Variants in RAB31 observed in about 807,000 individuals in gnomAD.
RAB31 encodes the protein RAB31, member RAS oncogene family.
Under a neutral mutation model 25.6 loss-of-function variants are expected in RAB31, and 21 were observed. That is an observed-to-expected ratio of 0.82 (90% CI 0.58 to 1.18). RAB31 has a LOEUF of 1.18. Among genes scored for constraint, RAB31 ranks in the 50% most tolerant of loss-of-function variants. RAB31 has a pLI of 0.00. For synonymous variants in RAB31, 87 were observed against 84.0 expected (o/e 1.04, Z -0.20); for missense variants, 196 against 250.1 (o/e 0.78, Z 1.46).
intron 5 of RAB31, among the ~76,000 whole-genome samples, chr18:9,843,897 A>G (rs972320811): frequency 1.3e-5 from 2 of 152,082 alleles, no homozygotes; most frequent in South Asian, 4.1e-4. Context: ...TTTGAGTCCC[A>G]TAGGAATTTG....
intron 1 of RAB31, among the ~76,000 whole-genome samples, chr18:9,734,031 G>C (rs1012277115): frequency 2.0e-5 from 3 of 149,468 alleles, no homozygotes; most frequent in African/African-American, 7.4e-5. Flanking sequence ...TTACATGGGA[G>C]AGGCATGCCC....
intron 1 of RAB31, among the ~76,000 whole-genome samples, chr18:9,760,536 T>G (rs1429022505): frequency 1.3e-5 from 2 of 152,180 alleles, no homozygotes; most frequent in Non-Finnish European, 2.9e-5. Context: ...TTTCATTTAG[T>G]CTTCCCTGCA....
chr18:9,720,674 C>CTTTTT (rs796200232), intron 1 of RAB31, among the ~76,000 whole-genome samples: 1 of 134,126 alleles, frequency 7.5e-6, no homozygotes, highest in Non-Finnish European at 1.6e-5. Flanking sequence ...GTAATTTTCT[C>CTTTTT]TTTTTTTTTT....
intron 1 of RAB31, among the ~76,000 whole-genome samples, chr18:9,734,718 C>T (rs1389181081): frequency 6.6e-6 from 1 of 152,200 alleles, no homozygotes; most frequent in African/African-American, 2.4e-5. Flanking sequence ...CACTGTGTGC[C>T]AGGTGAGAGA....
chr18:9,793,938 C>A (rs2068474163), intron 3 of RAB31, among the ~76,000 whole-genome samples: 1 of 152,030 alleles, frequency 6.6e-6, no homozygotes, highest in South Asian at 2.1e-4. Flanking sequence ...TTATTTAATT[C>A]ACTTTATTTT....
intron 6 of RAB31, chr18:9,849,519 CATGCTAGACCCTGGGG>C (rs1208387201): frequency 5.9e-5 from 9 of 152,310 alleles, no homozygotes; most frequent in African/African-American, 2.2e-4. Flanking sequence ...GGGTAGGTGC[CATGCTAGACCCTGGGG>C]ACAGCACGGT....
chr18:9,741,870 C>T (rs1476149625), intron 1 of RAB31, among the ~76,000 whole-genome samples: 1 of 152,218 alleles, frequency 6.6e-6, no homozygotes, highest in Non-Finnish European at 1.5e-5. Flanking sequence ...TACCCCTCAT[C>T]CACTGCCTCA....
intron 5 of RAB31, among the ~76,000 whole-genome samples, chr18:9,820,994 T>G (rs1333664598): frequency 1.3e-5 from 2 of 152,082 alleles, no homozygotes; most frequent in African/African-American, 4.8e-5. Flanking sequence ...TTATTCGAGA[T>G]CTCTTTAAAT....
chr18:9,733,768 A>G (rs1169399006), intron 1 of RAB31, among the ~76,000 whole-genome samples: 2 of 152,030 alleles, frequency 1.3e-5, no homozygotes, highest in African/African-American at 4.8e-5. Flanking sequence ...GTTGCCTGCA[A>G]ACCCTTGCCC....
chr18:9,814,157 G>A, intron 4 of RAB31, 66 bp downstream of exon 4: 1 of 1,227,680 alleles, frequency 8.1e-7, no homozygotes, highest in Non-Finnish European at 1.2e-6. Flanking sequence ...AGAGACTGGA[G>A]CAGAGACGTC....
Position 9,841,433 on chromosome 18 carries a change from G to A in RAB31, c.381-4149G>A, listed in dbSNP as rs558913600. On this transcript the variant is annotated intron_variant, in intron 5 of 6. Transcript: ENST00000578921. ...AGGCGCCTGTAGTCCCAGCTATTCC[G>A]GAGGCTGAGGCAGGAGAATGGCGTG... Among the ~76,000 whole-genome samples, 262 of 151,798 alleles carry A rather than the reference G, an allele frequency of 1.7e-3. 1 individual carries two copies. Among genetic ancestry groups the A allele is most frequent in the Non-Finnish European group, 2.8e-3 (193 of 67,924 alleles).
intron 5 of RAB31, among the ~76,000 whole-genome samples, chr18:9,824,028 T>C (rs1415547139): frequency 6.6e-6 from 1 of 152,240 alleles, no homozygotes; most frequent in Admixed American, 6.5e-5. Context: ...ATATAACTTT[T>C]CTGGGGAGTT....
intron 1 of RAB31, among the ~76,000 whole-genome samples, chr18:9,762,142 A>C (rs954013236): frequency 2.6e-5 from 4 of 152,172 alleles, no homozygotes; most frequent in Non-Finnish European, 5.9e-5. Context: ...CTTGGAAGTG[A>C]CATCTGCCAC....
At chr18:9,804,590 A>G (rs1417121061) in intron 3 of RAB31, among the ~76,000 whole-genome samples, 3 of 152,158 alleles carry the variant, frequency 2.0e-5, no homozygotes, top group Non-Finnish European at 4.4e-5. Context: ...TTATGGAGCT[A>G]ATTTCCTACG....
chr18:9,747,721 A>G (rs2068212794), intron 1 of RAB31, among the ~76,000 whole-genome samples: 1 of 152,200 alleles, frequency 6.6e-6, no homozygotes, highest in African/African-American at 2.4e-5. Context: ...ATGGGGAATA[A>G]CTGCTTAATG....
At chr18:9,739,988 GGC>G (rs2068169898) in intron 1 of RAB31, among the ~76,000 whole-genome samples, 1 of 152,166 alleles carries the variant, frequency 6.6e-6, no homozygotes, top group South Asian at 2.1e-4. Flanking sequence ...TGTCTTCCTT[GGC>G]TAGAGCTTTG....
chr18:9,826,230 G>A (rs1453686525), intron 5 of RAB31, among the ~76,000 whole-genome samples: 1 of 151,852 alleles, frequency 6.6e-6, no homozygotes, highest in Non-Finnish European at 1.5e-5. Context: ...ACAAAAATTA[G>A]CCAGGTGTGG....
intron 1 of RAB31, among the ~76,000 whole-genome samples, chr18:9,772,132 T>G (rs1163516051): frequency 6.6e-6 from 1 of 152,052 alleles, no homozygotes; most frequent in Non-Finnish European, 1.5e-5. Context: ...TGTTGGCTGC[T>G]TTGAGACTTG....
chr18:9,806,058 TC>T lies in RAB31; in HGVS notation c.202-7959del, dbSNP rs2068539215. On this transcript the variant is annotated intron_variant, in intron 3 of 6. Coordinates refer to ENST00000578921, the MANE Select transcript of RAB31 (RefSeq NM_006868.4). ...CAGGTGTGGTGGCAGGCATCTGTAG[TC>T]CCAGCTACTCGGGAGGCTGAGGCAG... is the stretch of plus-strand genomic sequence containing the variant. Among the ~76,000 whole-genome samples the T allele has an allele frequency of 2.0e-5, 3 of 152,054 alleles. No homozygotes were observed. In the South Asian group the frequency reaches 6.2e-4, roughly 32 times the overall value.
Sources: allele counts gnomAD v4.1 joint callset (sites outside exome capture counted in the v4.1 genomes callset), GRCh38; gene constraint gnomAD v4.1.1; transcripts MANE v1.5; gene names NCBI Gene and HGNC (gene_info 2026-07-23, HGNC 2026-07-21).